Variants in SLIT2 observed in about 807,000 individuals in gnomAD.
SLIT2 encodes slit homolog 2 protein.
Under a neutral mutation model 185.7 loss-of-function variants are expected in SLIT2, and 41 were observed. The observed-to-expected ratio is 0.22, with a 90% CI of 0.17 to 0.29. The LOEUF is 0.29. Among genes scored for constraint, SLIT2 ranks in the 10% least tolerant of loss-of-function variants. The probability of loss-of-function intolerance (pLI) is 1.00; values close to 1 mark genes in which losing one functional copy is unlikely to be tolerated. For missense variants in SLIT2, 1,571 were observed against 1,909.0 expected (o/e 0.82, Z 3.30); for synonymous variants, 693 against 680.2 (o/e 1.02, Z -0.29).
intron 5 of SLIT2, among the ~76,000 whole-genome samples, chr4:20,473,883 G>C (rs561769106): frequency 5.3e-5 from 8 of 151,934 alleles, no homozygotes; most frequent in Non-Finnish European, 1.2e-4. Flanking sequence ...ATATAAGTTA[G>C]GTCATAATTG....
intron 4 of SLIT2, among the ~76,000 whole-genome samples, chr4:20,412,512 T>C (rs1232289116): frequency 6.6e-6 from 1 of 152,142 alleles, no homozygotes; most frequent in Non-Finnish European, 1.5e-5. Context: ...TTGTATGCTA[T>C]GATAAAATCT....
intron 4 of SLIT2, among the ~76,000 whole-genome samples, chr4:20,456,630 T>G (rs1215801577): frequency 6.6e-6 from 1 of 152,178 alleles, no homozygotes; most frequent in Non-Finnish European, 1.5e-5. Context: ...ATCACATTTT[T>G]TATGTGTCTT....
At chr4:20,271,790 T>C (rs750727153) in intron 4 of SLIT2, among the ~76,000 whole-genome samples, 5 of 152,092 alleles carry the variant, frequency 3.3e-5, no homozygotes, top group Admixed American at 2.0e-4. Context: ...TTGGATATAC[T>C]GGACATTGTG....
At chr4:20,261,473 G>A (rs1395098433) in intron 3 of SLIT2, among the ~76,000 whole-genome samples, 1 of 151,698 alleles carries the variant, frequency 6.6e-6, no homozygotes, top group Non-Finnish European at 1.5e-5. Context: ...AATAACACTG[G>A]GACCCAGCAA....
At chr4:20,476,207 T>C (rs559957754) in intron 5 of SLIT2, among the ~76,000 whole-genome samples, 1 of 152,152 alleles carries the variant, frequency 6.6e-6, no homozygotes, top group Non-Finnish European at 1.5e-5. Context: ...AATATTGATA[T>C]ATAGACATTT....
rs76746894 is a variant in SLIT2, at chr4:20,602,137, A to G, written c.3692+3742A>G. On this transcript the variant is annotated intron_variant, in intron 33 of 36. Coordinates refer to ENST00000504154, the MANE Select transcript of SLIT2 (RefSeq NM_004787.4). ...GTTTCACATAAATCAGTATGAAGAC[A>G]ATTATTTTATGAAATTATCTCTAGA... 3.3e-4 allele frequency among the ~76,000 whole-genome samples: 51 copies of G among 152,328 alleles called. No individual in the cohort carries two copies. In the East Asian group the frequency reaches 9.1e-3, roughly 27 times the overall value.
intron 4 of SLIT2, among the ~76,000 whole-genome samples, chr4:20,403,904 A>AAC (rs1726552970): frequency 1.3e-5 from 2 of 151,484 alleles, no homozygotes; most frequent in African/African-American, 4.8e-5. Context: ...ACTTAAAAAA[A>AAC]AAACAAAAAC....
At chr4:20,598,143 C>A in intron 32 of SLIT2, 122 bp from the exon 33 acceptor site, 2 of 829,212 alleles carry the variant, frequency 2.4e-6, no homozygotes, top group Non-Finnish European at 3.6e-6. Flanking sequence ...ATCGTTTTCT[C>A]ATAGCCATCA....
At chr4:20,279,471 G>A (rs186501657) in intron 4 of SLIT2, among the ~76,000 whole-genome samples, 131 of 152,192 alleles carry the variant, frequency 8.6e-4, no homozygotes, top group African/African-American at 3.0e-3. Flanking sequence ...AATGGTTTTA[G>A]TTACCTCCAC....
Position 20,254,060 on chromosome 4 carries a change from G to A in SLIT2, c.179+66G>A. ...CCGCGCACCCCTGCCTCCACTGGAG[G>A]AACCTGTCAGCTCAGGGTCCTGTGC... On this transcript the variant is annotated intron_variant, in intron 1 of 36. Coordinates refer to ENST00000504154, the MANE Select transcript of SLIT2 (RefSeq NM_004787.4). The surrounding 1 kb of genome is among the most constrained non-coding windows in gnomAD (Gnocchi z 5.1). 3 of 1,502,032 alleles carry A rather than the reference G, an allele frequency of 2.0e-6. No homozygotes were observed. Among genetic ancestry groups the A allele is most frequent in the Non-Finnish European group, 2.7e-6 (3 of 1,105,254 alleles). The allele number at this position is 1,502,032 out of a possible 1,614,324, so 93.0% of individuals were successfully genotyped here.
At chr4:20,309,377 A>G (rs1187794514) in intron 4 of SLIT2, among the ~76,000 whole-genome samples, 2 of 151,980 alleles carry the variant, frequency 1.3e-5, no homozygotes, top group East Asian at 1.9e-4. Context: ...TCTGCTTTTA[A>G]CAGATCTTTT....
At chr4:20,307,096 A>G (rs1002868296) in intron 4 of SLIT2, among the ~76,000 whole-genome samples, 1 of 51,228 alleles carries the variant, frequency 2.0e-5, no homozygotes, top group Admixed American at 2.4e-4. Context: ...CACCCGCTCT[A>G]TTTCTTTCCC....
chr4:20,384,255 T>C (rs1477896385), intron 4 of SLIT2, among the ~76,000 whole-genome samples: 1 of 152,130 alleles, frequency 6.6e-6, no homozygotes, highest in African/African-American at 2.4e-5. Flanking sequence ...AAGCATTATG[T>C]TATGTGAAAG....
chr4:20,253,470 C>T lies in SLIT2; in HGVS notation c.-346C>T, dbSNP rs568454044. 3.1e-6 allele frequency: 1 copy of T among 325,110 alleles called. No homozygotes were observed. The highest frequency in any genetic ancestry group is 5.3e-5 in the South Asian group (1 of 18,740). The allele number at this position is 325,110 out of a possible 1,614,324, so 20.1% of individuals were successfully genotyped here. A position where few individuals can be genotyped will look rare whatever the true frequency, so the allele number is the denominator to read the frequency against. ...TGCATCTTAGCAGCCGTTGGAAGCC[C>T]CAGCTCTTTTACCGCCAAGTTCATC... On this transcript the variant is annotated 5_prime_UTR_variant, in exon 1 of 37. Coordinates refer to ENST00000504154, the MANE Select transcript of SLIT2 (RefSeq NM_004787.4).
At position 20,580,410 on chromosome 4, in the gene SLIT2, CGTGTGTGTGTGT is replaced by C. The variant is rs58904041; in HGVS notation, c.3089-9219_3089-9208del. 2.7e-4 allele frequency among the ~76,000 whole-genome samples: 40 copies of C among 148,762 alleles called. No individual in the cohort carries two copies. In the East Asian group the frequency reaches 3.8e-3, roughly 14 times the overall value. ...AATGATAGTATATATATATATTATA[CGTGTGTGTGTGT>C]GTGTGTGTGTGTGTATGCACATAAG... is the stretch of plus-strand genomic sequence containing the variant. On this transcript the variant is annotated intron_variant, in intron 29 of 36. Coordinates refer to ENST00000504154, the MANE Select transcript of SLIT2 (RefSeq NM_004787.4).
At chr4:20,553,122 A>G (rs1723923919) in intron 25 of SLIT2, among the ~76,000 whole-genome samples, 1 of 152,172 alleles carries the variant, frequency 6.6e-6, no homozygotes, top group African/African-American at 2.4e-5. Context: ...AGCTCTGGTG[A>G]GCTAGCTCTA....
intron 4 of SLIT2, among the ~76,000 whole-genome samples, chr4:20,419,695 G>A (rs1413369081): frequency 6.6e-6 from 1 of 151,600 alleles, no homozygotes. Flanking sequence ...GTGTGTGTGT[G>A]TGTGTGTGTG....
At chr4:20,476,017 A>G (rs1413740948) in intron 5 of SLIT2, among the ~76,000 whole-genome samples, 1 of 152,168 alleles carries the variant, frequency 6.6e-6, no homozygotes, top group East Asian at 1.9e-4. Flanking sequence ...AATGGTCCAT[A>G]CCTTAATTGC....
intron 4 of SLIT2, among the ~76,000 whole-genome samples, chr4:20,377,805 C>G (rs1724156948): frequency 6.6e-6 from 1 of 152,046 alleles, no homozygotes; most frequent in Non-Finnish European, 1.5e-5. Context: ...TTAGTCCTGC[C>G]CATATCTAAT....
Sources: allele counts gnomAD v4.1 joint callset (sites outside exome capture counted in the v4.1 genomes callset), GRCh38; gene constraint gnomAD v4.1.1; non-coding constraint Gnocchi (gnomAD v3.1); transcripts MANE v1.5; gene names NCBI Gene and HGNC (gene_info 2026-07-23, HGNC 2026-07-21).